Variants in CEP68 observed in about 807,000 individuals in gnomAD.
CEP68 encodes the protein centrosomal protein of 68 kDa.
In CEP68, 26 loss-of-function variants were observed where a neutral mutation model predicts 55.3. The observed-to-expected ratio is 0.47, with a 90% confidence interval of 0.34 to 0.65. CEP68 has a LOEUF of 0.65. CEP68 is among the 30% of genes least tolerant of loss of function. The probability of loss-of-function intolerance (pLI) is 0.01; values close to 1 mark genes in which losing one functional copy is unlikely to be tolerated. For synonymous variants in CEP68, 402 were observed against 383.2 expected, an observed-to-expected ratio of 1.05 and a Z score of -0.57; for missense variants, 957 against 946.7, an observed-to-expected ratio of 1.01 and a Z score of -0.14.
At position 65,074,299 on chromosome 2, in the gene CEP68, G is replaced by A. The variant is rs762520281; in HGVS notation, c.1902G>A (p.Leu634=). 1.2e-6 allele frequency: 2 copies of A among 1,614,176 alleles called. No homozygotes were observed. Among genetic ancestry groups the A allele is most frequent in the Admixed American group, 1.7e-5 (1 of 60,022 alleles). ...VQCVKTFCCQ[L]EELICWLYNV... is the part of the protein sequence containing the mutation. ...CTCTGCAGACATTTTGCTGTCAGCT[G>A]GAAGAGCTGATCTGCTGGCTGTATA... The change falls in exon 4 of 7, where the codon CTG becomes CTA. Residue 634 remains leucine, a synonymous_variant. Transcript: ENST00000377990.
rs760078030 is a variant in CEP68, at chr2:65,074,347, C to T, written c.1950C>T (p.His650=). 5 of 1,614,176 alleles carry T rather than the reference C, an allele frequency of 3.1e-6. No individual in the cohort carries two copies. The highest frequency in any genetic ancestry group is 2.2e-5 in the South Asian group (2 of 91,088). ...WLYNVADVTD[H]GTAARSNLTS... ...ATAATGTTGCAGATGTTACTGACCA[C>T]GGGACTGCAGCCAGGTCCAATCTTA... The change falls in exon 4 of 7, where the codon CAC becomes CAT. Residue 650 remains histidine (H), a synonymous_variant. Transcript: ENST00000377990.
At chr2:65,068,935 G>A (rs1676325963) in intron 1 of CEP68, among the ~76,000 whole-genome samples, 1 of 152,206 alleles carries the variant, frequency 6.6e-6, no homozygotes, top group Non-Finnish European at 1.5e-5. Context: ...GCCTGGGCAT[G>A]CCCTGACTTG....
At chr2:65,074,760 C>A (rs961411808) in intron 4 of CEP68, 2 of 265,756 alleles carry the variant, frequency 7.5e-6, no homozygotes, top group African/African-American at 2.4e-5. Flanking sequence ...AGCAACATAG[C>A]AAGACCCCCC....
intron 1 of CEP68, among the ~76,000 whole-genome samples, chr2:65,061,495 C>T (rs1675913583): frequency 6.6e-6 from 1 of 152,264 alleles, no homozygotes; most frequent in Non-Finnish European, 1.5e-5. Flanking sequence ...CGGCCCATGG[C>T]CAAGCCACAG....
intron 5 of CEP68, among the ~76,000 whole-genome samples, chr2:65,081,981 T>G (rs1482815537): frequency 6.6e-6 from 1 of 152,230 alleles, no homozygotes; most frequent in Non-Finnish European, 1.5e-5. Context: ...ATTACAGGCG[T>G]GAGCCACTGC....
Position 65,071,950 on chromosome 2 carries a change from C to G in CEP68, c.854C>G (p.Ser285Ter), listed in dbSNP as rs1319525545. ...GTGCTGCCAGATTCCCTGCCTCCAT[C>G]ACCCGACCGCCACTCCCCTCTCTGG... Reference protein sequence around the residue: ...ACVLPDSLPPSPDRHSPLWNP... With the variant: ...ACVLPDSLPP Residue 285 changes from serine to a stop codon, truncating the protein, a stop_gained, in exon 3 of 7, where the codon TCA becomes TGA. Transcript: ENST00000377990. LOFTEE classifies it high-confidence loss of function. The G allele has an allele frequency of 1.2e-6, 2 of 1,613,022 alleles. No individual in the cohort carries two copies. Among genetic ancestry groups the G allele is most frequent in the East Asian group, 4.5e-5 (2 of 44,856 alleles).
chr2:65,068,836 GAAAAA>G (rs535518061), intron 1 of CEP68, among the ~76,000 whole-genome samples: 6 of 150,956 alleles, frequency 4.0e-5, no homozygotes, highest in Admixed American at 1.3e-4. Flanking sequence ...TCAGAAAAAA[GAAAAA>G]AAGAAAAGAA....
chr2:65,079,028 G>T (rs924522900), intron 5 of CEP68, among the ~76,000 whole-genome samples: 1 of 152,222 alleles, frequency 6.6e-6, no homozygotes, highest in Non-Finnish European at 1.5e-5. Context: ...GTAAAGCCTT[G>T]AACTGATGGC....
chr2:65,075,970 G>T (rs2103787481), intron 4 of CEP68, among the ~76,000 whole-genome samples: 1 of 152,016 alleles, frequency 6.6e-6, no homozygotes, highest in South Asian at 2.1e-4. Flanking sequence ...GTAGGGAGGA[G>T]CCTTGCTTGA....
At chr2:65,074,542 G>A (rs542812040) in intron 4 of CEP68, 138 bp downstream of exon 4, 5 of 1,262,010 alleles carry the variant, frequency 4.0e-6, no homozygotes, top group Middle Eastern at 1.9e-4. Flanking sequence ...TCTAATTAGA[G>A]CTTCACATTC....
chr2:65,075,753 T>A (rs575527218), intron 4 of CEP68, among the ~76,000 whole-genome samples: 1 of 152,290 alleles, frequency 6.6e-6, no homozygotes, highest in South Asian at 2.1e-4. Flanking sequence ...ATATCCATGG[T>A]CTGAGCCTGA....
chr2:65,060,054 GATGTAATAAGATTTTTAAT>G (rs1209209000), intron 1 of CEP68, among the ~76,000 whole-genome samples: 5 of 151,862 alleles, frequency 3.3e-5, no homozygotes, highest in African/African-American at 4.8e-5. Context: ...AACATACTTT[GATGTAATAAGATTTTTAAT>G]AACAGCAATT....
chr2:65,082,843 TA>T, intron 6 of CEP68, 134 bp downstream of exon 6: 5 of 723,572 alleles, frequency 6.9e-6, no homozygotes, highest in Non-Finnish European at 1.1e-5. Context: ...CCAATGGTAC[TA>T]AAAAAGGAGT....
At chr2:65,064,087 A>G (rs1465306797) in intron 1 of CEP68, among the ~76,000 whole-genome samples, 1 of 152,148 alleles carries the variant, frequency 6.6e-6, no homozygotes, top group Non-Finnish European at 1.5e-5. Context: ...CAGACGTACA[A>G]TTTCCTTGAA....
At chr2:65,073,048 T>A (rs747419753) in intron 3 of CEP68, 68 bp downstream of exon 3, 47 of 1,541,302 alleles carry the variant, frequency 3.0e-5, no homozygotes, top group Non-Finnish European at 3.9e-5. Context: ...TCCACTAACA[T>A]CATAATAAAA....
At chr2:65,082,477 C>G (rs1668875286) in intron 5 of CEP68, 59 bp from the exon 6 acceptor site, 1 of 1,427,604 alleles carries the variant, frequency 7.0e-7, no homozygotes, top group Non-Finnish European at 9.3e-7. Flanking sequence ...AAAATGCTTA[C>G]TGGACAACAC....
Position 65,069,686 on chromosome 2 carries a change from C to A in CEP68, c.242C>A (p.Pro81Gln). Residue 81 changes from proline (P) to glutamine (Q), a missense_variant, in exon 2 of 7, where the codon CCA (proline) becomes CAA (glutamine). Physicochemically the swap from Pro to Gln is moderately conservative, Grantham distance 76. Transcript: ENST00000377990. ...DPGGPSRAHQ[P>Q]QASDANREPV... ...GGCGGCCCCTCTAGAGCCCACCAGCCACAGGCCAGTGATGCCAACAGAGAG... is the reference window on the plus strand; with the variant it reads ...GGCGGCCCCTCTAGAGCCCACCAGCAACAGGCCAGTGATGCCAACAGAGAG... The A allele has an allele frequency of 6.2e-7, 1 of 1,614,104 alleles. No homozygotes were observed. Among genetic ancestry groups the A allele is most frequent in the South Asian group, 1.1e-5 (1 of 91,088 alleles).
chr2:65,062,354 T>TAG (rs1675950599), intron 1 of CEP68, among the ~76,000 whole-genome samples: 1 of 151,444 alleles, frequency 6.6e-6, no homozygotes, highest in Non-Finnish European at 1.5e-5. Context: ...GCCAACATGG[T>TAG]TAAACCCCGT....
At chr2:65,056,895 C>G (rs1001835848) in intron 1 of CEP68, among the ~76,000 whole-genome samples, 5 of 152,150 alleles carry the variant, frequency 3.3e-5, no homozygotes, top group Middle Eastern at 3.2e-3. Context: ...GCCTGGGCCC[C>G]GGGGGAGGTC....
Sources: gnomAD v4.1 joint callset for allele counts (sites outside exome capture counted in the v4.1 genomes callset) on GRCh38, gnomAD v4.1.1 for gene constraint, MANE v1.5 for transcripts, NCBI Gene and HGNC (gene_info 2026-07-23, HGNC 2026-07-21) for gene names.